The following ZNF236 variants were observed in gnomAD, a reference collection of about 807,000 sequenced individuals.
ZNF236 encodes zinc finger protein 236, also known as regulated by glucose.
Under a neutral mutation model 191.2 loss-of-function variants are expected in ZNF236, and 50 were observed. The observed-to-expected ratio is 0.26, with a 90% CI of 0.21 to 0.33. The LOEUF (loss-of-function observed/expected upper bound fraction) is 0.33, where lower values mean the gene tolerates loss of function less well. ZNF236 is among the 10% of genes least tolerant of loss of function. The probability of loss-of-function intolerance (pLI) is 1.00; values close to 1 mark genes in which losing one functional copy is unlikely to be tolerated. For missense variants in ZNF236, 1,754 were observed against 2,374.5 expected, an observed-to-expected ratio of 0.74 and a Z score of 5.43; for synonymous variants, 907 against 928.8, an observed-to-expected ratio of 0.98 and a Z score of 0.43.
Position 76,863,444 on chromosome 18 carries a change from A to G in ZNF236, c.364-5241A>G, listed in dbSNP as rs75990640. Among the ~76,000 whole-genome samples, 662 of 152,344 alleles carry G rather than the reference A, an allele frequency of 4.3e-3. 3 individuals are homozygous for G. Among genetic ancestry groups the G allele is most frequent in the African/African-American group, 0.015 (625 of 41,580 alleles). On this transcript the variant is annotated intron_variant, in intron 3 of 30. Coordinates refer to ENST00000320610, the MANE Select transcript of ZNF236 (RefSeq NM_001306089.2). The stretch of plus-strand genomic sequence containing the variant: ...TAAGAAAAAAATCTTGTGAGAGACT[A>G]GAGAGAAATGATCTGTTGTTTGCAG...
intron 1 of ZNF236, 127 bp downstream of exon 1, chr18:76,822,789 C>T (rs1178124158): frequency 6.9e-6 from 1 of 144,928 alleles, no homozygotes; most frequent in Non-Finnish European, 1.5e-5. Context: ...CGCGCAGACC[C>T]GGGCCGCCGC....
chr18:76,825,699 T>C (rs1974994273), intron 1 of ZNF236, among the ~76,000 whole-genome samples: 1 of 152,262 alleles, frequency 6.6e-6, no homozygotes, highest in East Asian at 1.9e-4. Flanking sequence ...TAAAAATTGC[T>C]TAGTTTTAAT....
intron 6 of ZNF236, among the ~76,000 whole-genome samples, chr18:76,876,218 G>A (rs1204439306): frequency 6.6e-6 from 1 of 150,756 alleles, no homozygotes; most frequent in Non-Finnish European, 1.5e-5. Context: ...GATCCTGCAA[G>A]TATTTCTGTA....
At chr18:76,941,331 C>G (rs1011004561) in intron 26 of ZNF236, among the ~76,000 whole-genome samples, 6 of 152,222 alleles carry the variant, frequency 3.9e-5, no homozygotes, top group African/African-American at 1.4e-4. Flanking sequence ...GGGTCACTTT[C>G]TCATTTAGGA....
chr18:76,913,072 G>C (rs1262687169), intron 17 of ZNF236, among the ~76,000 whole-genome samples: 1 of 152,230 alleles, frequency 6.6e-6, no homozygotes, highest in Non-Finnish European at 1.5e-5. Flanking sequence ...AGGTTATAGT[G>C]TAGGGACGTC....
In ZNF236 at chr18:76,960,733, C is replaced by T. The variant is rs758845175; in HGVS notation, c.5297C>T (p.Ala1766Val). ...LCEKAFNQKS[A>V]LQVHMKKHTG... ...GAGAAAGCCTTCAACCAGAAGAGTG[C>T]GCTGCAGGTGCACATGAAGAAGCAC... The change falls in exon 30 of 31, where the codon GCG becomes GTG. Residue 1766 changes from alanine (A) to valine (V), a missense_variant. Coordinates refer to ENST00000320610, the MANE Select transcript of ZNF236 (RefSeq NM_001306089.2). This position sits in a 1 kb window ranked among gnomAD's most constrained non-coding sequence, Gnocchi z 4.4. The T allele has an allele frequency of 7.4e-6, 12 of 1,613,990 alleles. No homozygotes were observed. Among genetic ancestry groups the T allele is most frequent in the East Asian group, 4.5e-5 (2 of 44,874 alleles).
intron 3 of ZNF236, among the ~76,000 whole-genome samples, chr18:76,856,194 CT>C (rs553661574): frequency 0.02 from 2,843 of 144,508 alleles, 30 homozygotes; most frequent in Middle Eastern, 0.022. Flanking sequence ...ATTTTCTTTT[CT>C]TTTTTTTTTT....
intron 3 of ZNF236, among the ~76,000 whole-genome samples, chr18:76,866,712 T>A (rs930404775): frequency 5.3e-5 from 8 of 152,154 alleles, no homozygotes; most frequent in Non-Finnish European, 1.2e-4. Context: ...ATGTTAACTC[T>A]GTATGGAGGG....
intron 30 of ZNF236, among the ~76,000 whole-genome samples, chr18:76,961,204 T>C (rs28701672): frequency 0.04 from 6,159 of 152,222 alleles, 404 homozygotes; most frequent in African/African-American, 0.14. Flanking sequence ...GTCATTCTTA[T>C]GCCTTTGTAT....
intron 25 of ZNF236, among the ~76,000 whole-genome samples, chr18:76,929,435 G>C (rs1568235495): frequency 6.6e-6 from 1 of 152,150 alleles, no homozygotes; most frequent in African/African-American, 2.4e-5. Flanking sequence ...ACTTTCTCGA[G>C]TACACTTAAT....
At chr18:76,914,273 C>T (rs1967296652) in intron 18 of ZNF236, among the ~76,000 whole-genome samples, 1 of 152,200 alleles carries the variant, frequency 6.6e-6, no homozygotes, top group South Asian at 2.1e-4. Flanking sequence ...GGATCAGAAC[C>T]TCATTCCTTT....
rs1017674554 is a variant in ZNF236 at position 76,972,437 on chromosome 18, TCACC to T, written c.*4102_*4105del. Among the ~76,000 whole-genome samples, 5 of 150,280 alleles carry T rather than the reference TCACC, an allele frequency of 3.3e-5. No homozygotes were observed. The highest frequency in any genetic ancestry group is 1.0e-4 in the African/African-American group (4 of 39,986). On this transcript the variant is annotated 3_prime_UTR_variant, in exon 31 of 31. Transcript: ENST00000320610. ...ATAGCTCACCCTCACCCTCACACACTCACCCACACACTCACCCTCACACTCACCC... is the reference window on the plus strand; with the variant it reads ...ATAGCTCACCCTCACCCTCACACACTCACACACTCACCCTCACACTCACCC...
intron 1 of ZNF236, chr18:76,824,361 G>A: frequency 1.3e-6 from 1 of 781,042 alleles, no homozygotes; most frequent in South Asian, 1.3e-5. Context: ...ACACCTCATG[G>A]GCCTTTGTGG....
chr18:76,905,393 A>C lies in ZNF236; in HGVS notation c.2275A>C (p.Lys759Gln). The change falls in exon 13 of 31, where the codon AAA (lysine) becomes CAA (glutamine). Residue 759 changes from lysine to glutamine, a missense_variant. Around this residue, in one of 5 missense-constraint regions of ZNF236, gnomAD observed 641 missense variants for 869.6 expected, o/e 0.74. Coordinates refer to ENST00000320610, the MANE Select transcript of ZNF236 (RefSeq NM_001306089.2). The stretch of plus-strand genomic sequence containing the variant: ...AACATTTAAGACTTCACTAAATTGC[A>C]AAAAGCACATGAAAACCCACAGGTG... ...QKTFKTSLNC[K>Q]KHMKTHRYEL... The C allele has an allele frequency of 6.2e-7, 1 of 1,614,112 alleles. No individual in the cohort carries two copies. The highest frequency in any genetic ancestry group is 8.5e-7 in the Non-Finnish European group (1 of 1,179,956).
At chr18:76,966,356 C>G (rs1026844551) in intron 30 of ZNF236, among the ~76,000 whole-genome samples, 16 of 152,076 alleles carry the variant, frequency 1.1e-4, no homozygotes, top group East Asian at 7.7e-4. Flanking sequence ...CACACACACA[C>G]AGAGACACAC....
intron 9 of ZNF236, chr18:76,885,615 C>A (rs1365004847): frequency 1.1e-5 from 2 of 183,134 alleles, no homozygotes; most frequent in African/African-American, 2.4e-5. Flanking sequence ...CTGGTCAGAG[C>A]AATTCTTCAA....
chr18:76,827,088 G>T (rs569142161), intron 1 of ZNF236, among the ~76,000 whole-genome samples: 4 of 151,976 alleles, frequency 2.6e-5, no homozygotes, highest in Admixed American at 2.6e-4. Flanking sequence ...TAGAGATGGG[G>T]TTTCTCCATG....
At chr18:76,940,191 T>C (rs1599413220) in intron 26 of ZNF236, among the ~76,000 whole-genome samples, 1 of 133,916 alleles carries the variant, frequency 7.5e-6, no homozygotes, top group African/African-American at 2.9e-5. Context: ...CACAGTGGGC[T>C]ACCCTAGCAC....
chr18:76,905,081 A>G (rs1302784945), intron 12 of ZNF236, 74 bp from the exon 13 acceptor site: 1 of 1,403,246 alleles, frequency 7.1e-7, no homozygotes, highest in Non-Finnish European at 9.6e-7. Context: ...GCGAAATGCA[A>G]GAGTGCATTC....
Sources: allele counts gnomAD v4.1 joint callset (sites outside exome capture counted in the v4.1 genomes callset), GRCh38; gene constraint gnomAD v4.1.1; regional missense constraint gnomAD v4.1.1; non-coding constraint Gnocchi (gnomAD v3.1); transcripts MANE v1.5; gene names NCBI Gene and HGNC (gene_info 2026-07-23, HGNC 2026-07-21).